The following SLC33A1 variants were observed in gnomAD, a reference collection of about 807,000 sequenced individuals.
SLC33A1 encodes the protein solute carrier family 33 member 1, also known as acetyl-coenzyme A transporter 1.
In SLC33A1, 20 loss-of-function variants were observed where a neutral mutation model predicts 50.0. The ratio of observed to expected loss-of-function variants is 0.40; its 90% CI spans 0.28 to 0.58. The LOEUF (loss-of-function observed/expected upper bound fraction) is 0.58, where lower values mean the gene tolerates loss of function less well. Among genes scored for constraint, SLC33A1 ranks in the 20% least tolerant of loss-of-function variants. The pLI is 0.44. For synonymous variants in SLC33A1, 265 were observed against 251.8 expected (o/e 1.05, Z -0.50); for missense variants, 476 against 657.0 (o/e 0.72, Z 3.01).
rs1404511715 is a variant in SLC33A1, at chr3:155,842,537, T to C, written c.858A>G (p.Val286=). 1.2e-6 allele frequency: 2 copies of C among 1,605,310 alleles called. No homozygotes were observed. Among genetic ancestry groups the C allele is most frequent in the South Asian group, 2.2e-5 (2 of 89,516 alleles). ...ALLKKENEVS[V]VKEETQGITD... ...TGATCCCTTGTGTTTCTTCTTTTAC[T>C]ACTGATACTTCGTTTTCTTTTTTCA... The change falls in exon 2 of 6, where the codon GTA becomes GTG. Residue 286 remains valine (V), a synonymous_variant. Transcript: ENST00000643144.
chr3:155,830,739 T>A (rs1214676240), intron 4 of SLC33A1, among the ~76,000 whole-genome samples: 1 of 152,108 alleles, frequency 6.6e-6, no homozygotes, highest in African/African-American at 2.4e-5. Flanking sequence ...TGTATGCATT[T>A]ATTACATATA....
chr3:155,851,482 C>T (rs1753398891), intron 1 of SLC33A1, among the ~76,000 whole-genome samples: 1 of 151,860 alleles, frequency 6.6e-6, no homozygotes, highest in African/African-American at 2.4e-5. Context: ...ACCTCCTCAG[C>T]TCAAGCAGTC....
At chr3:155,848,368 T>C (rs1056320007) in intron 1 of SLC33A1, among the ~76,000 whole-genome samples, 2 of 152,134 alleles carry the variant, frequency 1.3e-5, no homozygotes, top group Non-Finnish European at 2.9e-5. Flanking sequence ...GAATTTCTAG[T>C]TTCTCTTGAA....
intron 2 of SLC33A1, among the ~76,000 whole-genome samples, chr3:155,836,158 C>T (rs1440150899): frequency 6.6e-6 from 1 of 150,690 alleles, no homozygotes; most frequent in Non-Finnish European, 1.5e-5. Context: ...GTGGTATACG[C>T]CTGTAGTCCC....
At chr3:155,838,728 T>C (rs1163818722) in intron 2 of SLC33A1, among the ~76,000 whole-genome samples, 2 of 151,032 alleles carry the variant, frequency 1.3e-5, no homozygotes, top group African/African-American at 2.4e-5. Flanking sequence ...CAAGCAGCTA[T>C]AGTTCTAACT....
chr3:155,850,424 G>A (rs1560023311), intron 1 of SLC33A1, among the ~76,000 whole-genome samples: 1 of 152,140 alleles, frequency 6.6e-6, no homozygotes, highest in African/African-American at 2.4e-5. Flanking sequence ...TGAAATCAAG[G>A]TTTAAGAGGC....
chr3:155,851,796 C>T (rs573576961), intron 1 of SLC33A1, among the ~76,000 whole-genome samples: 27 of 152,296 alleles, frequency 1.8e-4, no homozygotes, highest in Non-Finnish European at 3.2e-4. Context: ...GCAATTATCT[C>T]TCAACCAAAC....
chr3:155,846,992 G>C (rs1753200838), intron 1 of SLC33A1, among the ~76,000 whole-genome samples: 1 of 151,682 alleles, frequency 6.6e-6, no homozygotes, highest in South Asian at 2.1e-4. Flanking sequence ...TGGATCACTT[G>C]AGGTCAGGAG....
chr3:155,848,780 G>A (rs1753282053), intron 1 of SLC33A1, among the ~76,000 whole-genome samples: 1 of 152,130 alleles, frequency 6.6e-6, no homozygotes, highest in Non-Finnish European at 1.5e-5. Flanking sequence ...GAGGGGCATG[G>A]ATTTCTCAAA....
rs540065081 is a variant in SLC33A1, at chr3:155,852,286, C to T, written c.775+937G>A. Among the ~76,000 whole-genome samples the T allele has an allele frequency of 2.0e-4, 31 of 151,768 alleles. 1 individual carries two copies. Among genetic ancestry groups the T allele is most frequent in the Non-Finnish European group, 4.3e-4 (29 of 67,956 alleles). On this transcript the variant is annotated intron_variant, in intron 1 of 5. Transcript: ENST00000643144. ...CAGCCTGGCCAACATAGTGAGACAG[C>T]CCCCCCGACCCCCAACTATCTCAAT...
intron 2 of SLC33A1, among the ~76,000 whole-genome samples, chr3:155,835,004 T>G (rs767493082): frequency 6.6e-5 from 10 of 152,190 alleles, no homozygotes; most frequent in African/African-American, 9.7e-5. Context: ...ATTAAAGTTA[T>G]AAGGACTGTT....
intron 1 of SLC33A1, 23 bp downstream of exon 1, chr3:155,853,200 C>T (rs369016512): frequency 1.0e-4 from 167 of 1,596,464 alleles, no homozygotes; most frequent in Non-Finnish European, 1.3e-4. Flanking sequence ...AAACCTAACA[C>T]CATAATAGCT....
rs142996161 is a variant in SLC33A1 at position 155,829,820 on chromosome 3, G to C, written c.1350C>G (p.Thr450=). ...SDPLIGGTYM[T]LLNTVSNLGG... ...CCAGATTGGACACGGTATTTAAAAG[G>C]GTCATGTATGTTCCTCCAATAAGTG... Residue 450 remains threonine, a synonymous_variant, in exon 5 of 6, where the codon ACC becomes ACG. Coordinates refer to ENST00000643144, the MANE Select transcript of SLC33A1 (RefSeq NM_004733.4). 2.5e-5 allele frequency: 40 copies of C among 1,613,548 alleles called. No homozygotes were observed. Among genetic ancestry groups the C allele is most frequent in the Non-Finnish European group, 3.3e-5 (39 of 1,179,684 alleles).
chr3:155,836,606 A>G (rs928731604), intron 2 of SLC33A1, among the ~76,000 whole-genome samples: 1 of 152,206 alleles, frequency 6.6e-6, no homozygotes, highest in South Asian at 2.1e-4. Context: ...AATATATTTT[A>G]AAAAGTTTGG....
chr3:155,838,605 C>T (rs936409806), intron 2 of SLC33A1, among the ~76,000 whole-genome samples: 4 of 149,084 alleles, frequency 2.7e-5, no homozygotes, highest in Non-Finnish European at 3.0e-5. Context: ...TGCTTGAACC[C>T]GGGAGGAGGA....
At chr3:155,830,286 T>A (rs1050846617) in intron 4 of SLC33A1, among the ~76,000 whole-genome samples, 2 of 151,272 alleles carry the variant, frequency 1.3e-5, no homozygotes, top group African/African-American at 2.4e-5. Flanking sequence ...GGCAGGAGAA[T>A]GGCGTGAACC....
rs149502554 is a variant in SLC33A1, at chr3:155,840,140, G to A, written c.963+2292C>T. Among the ~76,000 whole-genome samples the A allele has an allele frequency of 6.9e-3, 1,044 of 151,526 alleles. 20 individuals carry two copies. Among genetic ancestry groups the A allele is most frequent in the African/African-American group, 0.024 (988 of 41,354 alleles). ...GTCTCACTCTGTCACCCAGGCTGGAGTGCAGTGCGTGATCTCGGCTCACTG... is the reference window on the plus strand; with the variant it reads ...GTCTCACTCTGTCACCCAGGCTGGAATGCAGTGCGTGATCTCGGCTCACTG... On this transcript the variant is annotated intron_variant, in intron 2 of 5. Transcript: ENST00000643144.
intron 2 of SLC33A1, among the ~76,000 whole-genome samples, chr3:155,841,051 T>A (rs191277729): frequency 6.6e-6 from 1 of 151,800 alleles, no homozygotes; most frequent in Non-Finnish European, 1.5e-5. Flanking sequence ...TTCCATTCTT[T>A]TTTTTTTTCT....
intron 1 of SLC33A1, among the ~76,000 whole-genome samples, chr3:155,848,710 A>G (rs1205127877): frequency 1.3e-5 from 2 of 152,056 alleles, no homozygotes; most frequent in African/African-American, 4.8e-5. Context: ...AGATCTAGCA[A>G]TCTTGGGATC....
Sources: gnomAD v4.1 joint callset for allele counts (sites outside exome capture counted in the v4.1 genomes callset) on GRCh38, gnomAD v4.1.1 for gene constraint, MANE v1.5 for transcripts, NCBI Gene and HGNC (gene_info 2026-07-23, HGNC 2026-07-21) for gene names.